Variants in PARD3B observed in about 807,000 individuals in gnomAD.
PARD3B encodes the protein partitioning defective 3 homolog B.
Under a neutral mutation model 130.2 loss-of-function variants are expected in PARD3B, and 103 were observed. That is an observed-to-expected ratio of 0.79 (90% CI 0.67 to 0.93). The LOEUF is 0.93. Ranked by LOEUF, PARD3B falls within the 40% of genes least tolerant of loss-of-function variation. The pLI, the probability that PARD3B is intolerant of heterozygous loss-of-function variation, is 0.00. For synonymous variants in PARD3B, 583 were observed against 553.2 expected, an observed-to-expected ratio of 1.05 and a Z score of -0.76; for missense variants, 1,609 against 1,499.2, an observed-to-expected ratio of 1.07 and a Z score of -1.21.
At chr2:204,784,956 C>G (rs955487310) in intron 2 of PARD3B, among the ~76,000 whole-genome samples, 1 of 152,002 alleles carries the variant, frequency 6.6e-6, no homozygotes, top group Non-Finnish European at 1.5e-5. Context: ...AGTCTATGAC[C>G]ATGAAAGAAA....
chr2:205,130,188 C>T (rs1021845333), intron 10 of PARD3B, among the ~76,000 whole-genome samples: 2 of 152,112 alleles, frequency 1.3e-5, no homozygotes, highest in Admixed American at 6.5e-5. Flanking sequence ...AAGAGGTGTT[C>T]ACATAAGGAA....
chr2:205,296,757 G>A (rs1320054586), intron 16 of PARD3B, among the ~76,000 whole-genome samples: 1 of 151,416 alleles, frequency 6.6e-6, no homozygotes, highest in African/African-American at 2.4e-5. Flanking sequence ...ATGTATCGGA[G>A]GATTGATCTG....
In PARD3B at chr2:204,723,962, A is replaced by G. The variant is rs114811477; in HGVS notation, c.222+37680A>G. Reference sequence around the variant, plus strand: ...AATAAATTTGCTGATTTGAGTTCTTATACACCTTCTGGGCATAACACAAGA... The same window carrying G: ...AATAAATTTGCTGATTTGAGTTCTTGTACACCTTCTGGGCATAACACAAGA... On this transcript the variant is annotated intron_variant, in intron 2 of 22. Coordinates refer to ENST00000406610, the MANE Select transcript of PARD3B (RefSeq NM_001302769.2). 3.3e-3 allele frequency among the ~76,000 whole-genome samples: 500 copies of G among 152,202 alleles called. 2 individuals are homozygous for G. The highest frequency in any genetic ancestry group is 0.011 in the African/African-American group (471 of 41,528).
At chr2:204,612,265 A>G (rs1313669461) in intron 1 of PARD3B, among the ~76,000 whole-genome samples, 2 of 152,184 alleles carry the variant, frequency 1.3e-5, no homozygotes, top group African/African-American at 2.4e-5. Flanking sequence ...CTTTTACCAG[A>G]TGAGATGGCA....
At chr2:205,307,304 C>T (rs1258578208) in intron 18 of PARD3B, among the ~76,000 whole-genome samples, 2 of 152,146 alleles carry the variant, frequency 1.3e-5, no homozygotes, top group Non-Finnish European at 2.9e-5. Flanking sequence ...TATCTTTATA[C>T]ATGTTGTCTA....
In PARD3B at chr2:204,789,060, G is replaced by A. The variant is rs73066621; in HGVS notation, c.222+102778G>A. Among the ~76,000 whole-genome samples the A allele has an allele frequency of 9.3e-3, 1,409 of 151,992 alleles. 24 individuals carry two copies. The highest frequency in any genetic ancestry group is 0.031 in the African/African-American group (1,296 of 41,460). On this transcript the variant is annotated intron_variant, in intron 2 of 22. Coordinates refer to ENST00000406610, the MANE Select transcript of PARD3B (RefSeq NM_001302769.2). ...AATGGAATATAATTTTATTACTATT[G>A]CTATTATTATTTTATAGTCAGGGCC...
At chr2:204,834,522 T>G (rs1310152099) in intron 2 of PARD3B, among the ~76,000 whole-genome samples, 1 of 152,220 alleles carries the variant, frequency 6.6e-6, no homozygotes, top group African/African-American at 2.4e-5. Context: ...TATTATGTAT[T>G]TCTGGGCATT....
At chr2:205,025,316 G>T (rs1696933210) in intron 3 of PARD3B, among the ~76,000 whole-genome samples, 1 of 152,154 alleles carries the variant, frequency 6.6e-6, no homozygotes, top group South Asian at 2.1e-4. Context: ...TGCTGTGGCT[G>T]TGTTTTTCGT....
chr2:204,747,371 C>T (rs1379535202), intron 2 of PARD3B, among the ~76,000 whole-genome samples: 1 of 152,094 alleles, frequency 6.6e-6, no homozygotes, highest in Admixed American at 6.6e-5. Flanking sequence ...ATCCAACTTA[C>T]AAGGGATGTG....
At chr2:205,383,139 G>A (rs543480532) in intron 18 of PARD3B, among the ~76,000 whole-genome samples, 5 of 129,868 alleles carry the variant, frequency 3.9e-5, no homozygotes, top group Admixed American at 7.4e-5. Context: ...TAGATAGATA[G>A]ATCGATCTAA....
chr2:204,899,032 T>G, intron 2 of PARD3B, among the ~76,000 whole-genome samples: 1 of 148,462 alleles, frequency 6.7e-6, no homozygotes, highest in Admixed American at 6.6e-5. Context: ...AGTCTGCTTC[T>G]TGTAGGCAAC....
chr2:204,912,288 G>A (rs1337789835), intron 2 of PARD3B, among the ~76,000 whole-genome samples: 1 of 152,120 alleles, frequency 6.6e-6, no homozygotes, highest in East Asian at 1.9e-4. Context: ...ATATTTTGGG[G>A]TAAAATTACT....
At chr2:205,169,064 A>G (rs2125740007) in intron 11 of PARD3B, among the ~76,000 whole-genome samples, 1 of 152,264 alleles carries the variant, frequency 6.6e-6, no homozygotes, top group African/African-American at 2.4e-5. Context: ...GGATGAGATG[A>G]CCTCTAAGGA....
intron 1 of PARD3B, among the ~76,000 whole-genome samples, chr2:204,674,317 C>T (rs916622554): frequency 2.0e-4 from 30 of 152,180 alleles, no homozygotes; most frequent in African/African-American, 7.0e-4. Context: ...GTTAGCTCTT[C>T]CTGCTTTCTT....
intron 4 of PARD3B, among the ~76,000 whole-genome samples, chr2:205,054,426 A>G (rs1366304768): frequency 1.3e-4 from 3 of 23,810 alleles, no homozygotes; most frequent in African/African-American, 4.3e-4. Context: ...ATATATATAT[A>G]TATATATATA....
At chr2:204,710,463 G>A (rs1271532791) in intron 2 of PARD3B, among the ~76,000 whole-genome samples, 1 of 152,216 alleles carries the variant, frequency 6.6e-6, no homozygotes, top group Non-Finnish European at 1.5e-5. Context: ...TATTTGATAG[G>A]TTTTTAAGAG....
intron 2 of PARD3B, among the ~76,000 whole-genome samples, chr2:204,919,801 C>T (rs1013135162): frequency 4.6e-5 from 7 of 152,108 alleles, no homozygotes; most frequent in Admixed American, 1.3e-4. Context: ...GCAAGCCATA[C>T]GTTGTAGCTT....
At chr2:205,515,358 C>CCAGTAATGAGATTG (rs1430732368) in intron 21 of PARD3B, among the ~76,000 whole-genome samples, 1 of 151,988 alleles carries the variant, frequency 6.6e-6, no homozygotes. Flanking sequence ...GGGTATATAC[C>CCAGTAATGAGATTG]CAGTAATGAG....
intron 1 of PARD3B, among the ~76,000 whole-genome samples, chr2:204,611,001 C>T (rs973212345): frequency 1.3e-5 from 2 of 152,164 alleles, no homozygotes; most frequent in East Asian, 1.9e-4. Context: ...ACCATCCCTC[C>T]AGCAGCGGTC....
Sources: allele counts gnomAD v4.1 joint callset (sites outside exome capture counted in the v4.1 genomes callset), GRCh38; gene constraint gnomAD v4.1.1; transcripts MANE v1.5; gene names NCBI Gene and HGNC (gene_info 2026-07-23, HGNC 2026-07-21).